The following CDH4 variants were observed in gnomAD, a reference collection of about 807,000 sequenced individuals.
CDH4 encodes cadherin-4.
In CDH4, 33 loss-of-function variants were observed where a neutral mutation model predicts 86.0. The observed-to-expected ratio is 0.38, with a 90% CI of 0.29 to 0.51. CDH4 has a LOEUF of 0.51. Ranked by LOEUF, CDH4 falls within the 20% of genes least tolerant of loss-of-function variation. CDH4 has a pLI of 0.86. For synonymous variants in CDH4, 555 were observed against 549.4 expected, an observed-to-expected ratio of 1.01 and a Z score of -0.14; for missense variants, 1,114 against 1,307.4, an observed-to-expected ratio of 0.85 and a Z score of 2.28.
In CDH4 at chr20:61,811,012, A is replaced by G. The variant is rs1430056876; in HGVS notation, c.577-33656A>G. Among the ~76,000 whole-genome samples, 1 of 152,190 alleles carries G rather than the reference A, an allele frequency of 6.6e-6. No homozygotes were observed. The highest frequency in any genetic ancestry group is 1.5e-5 in the Non-Finnish European group (1 of 68,040). ...AGAAAGGAATCAGTCAAACGAACTCATGGCTCTTCATCCCCTGCAAAACTA... is the reference window on the plus strand; with the variant it reads ...AGAAAGGAATCAGTCAAACGAACTCGTGGCTCTTCATCCCCTGCAAAACTA... On this transcript the variant is annotated intron_variant, in intron 4 of 15. Coordinates refer to ENST00000614565, the MANE Select transcript of CDH4 (RefSeq NM_001794.5). The surrounding 1 kb of genome is among the most constrained non-coding windows in gnomAD (Gnocchi z 4.4).
intron 5 of CDH4, among the ~76,000 whole-genome samples, chr20:61,846,286 C>A (rs894124209): frequency 2.0e-5 from 3 of 152,234 alleles, no homozygotes; most frequent in African/African-American, 7.2e-5. Flanking sequence ...GTGCTGGGCC[C>A]CCCAGGAGTG....
intron 2 of CDH4, among the ~76,000 whole-genome samples, chr20:61,340,464 A>G (rs995887753): frequency 6.6e-6 from 1 of 152,224 alleles, no homozygotes; most frequent in East Asian, 1.9e-4. Context: ...TGAGGTGGCA[A>G]CTTGGACTTT....
At chr20:61,923,171 C>A (rs543237361) in intron 9 of CDH4, among the ~76,000 whole-genome samples, 1 of 152,222 alleles carries the variant, frequency 6.6e-6, no homozygotes, top group Non-Finnish European at 1.5e-5. Flanking sequence ...GCAGCCCCCC[C>A]AGGAGGAGCC....
chr20:61,920,542 T>C (rs1052633853), intron 9 of CDH4, among the ~76,000 whole-genome samples: 1 of 149,840 alleles, frequency 6.7e-6, no homozygotes, highest in Non-Finnish European at 1.5e-5. Context: ...GATGATTGCA[T>C]GGAAGCACCG....
At chr20:61,458,472 CTGGTAG>C (rs759945375) in intron 2 of CDH4, among the ~76,000 whole-genome samples, 8 of 146,608 alleles carry the variant, frequency 5.5e-5, no homozygotes, top group Non-Finnish European at 9.0e-5. Context: ...AGTGCTGACA[CTGGTAG>C]TGGTGGTGGT....
chr20:61,853,665 C>A (rs765719703), intron 6 of CDH4, among the ~76,000 whole-genome samples: 1 of 152,308 alleles, frequency 6.6e-6, no homozygotes. Flanking sequence ...ACCCTCAGGG[C>A]GCACATGGGT....
chr20:61,654,492 T>C (rs2087165844), intron 2 of CDH4, among the ~76,000 whole-genome samples: 1 of 152,238 alleles, frequency 6.6e-6, no homozygotes, highest in South Asian at 2.1e-4. Flanking sequence ...AATTGTTGAT[T>C]AGTTGTGTAT....
intron 2 of CDH4, among the ~76,000 whole-genome samples, chr20:61,330,782 C>T (rs4812308): frequency 0.55 from 83,978 of 152,078 alleles, 23,212 homozygotes; most frequent in East Asian, 0.68. Flanking sequence ...CAAAGTTGCA[C>T]GGCTCTTTGC....
chr20:61,539,769 GAGC>G (rs1339990460), intron 2 of CDH4, among the ~76,000 whole-genome samples: 1 of 152,240 alleles, frequency 6.6e-6, no homozygotes, highest in African/African-American at 2.4e-5. Context: ...GGACGAGAGG[GAGC>G]AGAGCAGGGA....
chr20:61,402,947 A>G (rs1222965669), intron 2 of CDH4, among the ~76,000 whole-genome samples: 1 of 152,192 alleles, frequency 6.6e-6, no homozygotes, highest in Non-Finnish European at 1.5e-5. Flanking sequence ...TAATCCACCC[A>G]ACAAAAAGGC....
At chr20:61,587,905 G>A (rs1037616228) in intron 2 of CDH4, among the ~76,000 whole-genome samples, 2 of 152,106 alleles carry the variant, frequency 1.3e-5, no homozygotes, top group Non-Finnish European at 2.9e-5. Flanking sequence ...CAGGCCCCAC[G>A]TTAAATTGAT....
chr20:61,669,754 A>G (rs2087366405), intron 2 of CDH4, among the ~76,000 whole-genome samples: 1 of 152,232 alleles, frequency 6.6e-6, no homozygotes, highest in African/African-American at 2.4e-5. Context: ...ACCCTCCGCT[A>G]CAAAAGACTT....
intron 2 of CDH4, among the ~76,000 whole-genome samples, chr20:61,270,419 A>G (rs2123136818): frequency 6.6e-6 from 1 of 152,360 alleles, no homozygotes; most frequent in East Asian, 1.9e-4. Flanking sequence ...ATATTTTAAG[A>G]TAAAAATGGA....
intron 3 of CDH4, among the ~76,000 whole-genome samples, chr20:61,744,411 AG>A (rs2088384500): frequency 4.5e-5 from 6 of 133,550 alleles, no homozygotes; most frequent in African/African-American, 1.7e-4. Flanking sequence ...AAAGAGGTGG[AG>A]GGAGAGAGAG....
At chr20:61,547,069 C>T (rs1280603299) in intron 2 of CDH4, among the ~76,000 whole-genome samples, 4 of 152,016 alleles carry the variant, frequency 2.6e-5, no homozygotes, top group African/African-American at 9.7e-5. Context: ...ATCCTTTCCA[C>T]GTTGATGGTG....
chr20:61,641,091 C>T (rs1273032241), intron 2 of CDH4, among the ~76,000 whole-genome samples: 1 of 152,176 alleles, frequency 6.6e-6, no homozygotes, highest in Non-Finnish European at 1.5e-5. Context: ...CCTGTGCTGC[C>T]CTCTCAGCTG....
intron 2 of CDH4, among the ~76,000 whole-genome samples, chr20:61,457,914 A>G (rs936143495): frequency 1.4e-5 from 2 of 146,270 alleles, no homozygotes; most frequent in Admixed American, 6.8e-5. Context: ...CATGGTCATG[A>G]CGGTGATGGC....
chr20:61,814,486 G>A (rs531102046), intron 4 of CDH4, among the ~76,000 whole-genome samples: 16 of 152,166 alleles, frequency 1.1e-4, no homozygotes, highest in Admixed American at 2.6e-4. Flanking sequence ...TCACACCCAC[G>A]CTCGAAGCCC....
At chr20:61,706,464 G>A (rs2145892094) in intron 2 of CDH4, among the ~76,000 whole-genome samples, 1 of 152,302 alleles carries the variant, frequency 6.6e-6, no homozygotes, top group Non-Finnish European at 1.5e-5. Flanking sequence ...CAAACATGAT[G>A]AGAGAAAAGG....
Sources: gnomAD v4.1 joint callset for allele counts (sites outside exome capture counted in the v4.1 genomes callset) on GRCh38, gnomAD v4.1.1 for gene constraint, Gnocchi (gnomAD v3.1) non-coding constraint, MANE v1.5 for transcripts, NCBI Gene and HGNC (gene_info 2026-07-23, HGNC 2026-07-21) for gene names.